Variants in ABHD12 observed in about 807,000 individuals in gnomAD.
The protein encoded by ABHD12 is abhydrolase domain containing 12, lysophospholipase, also known as lysophosphatidylserine lipase ABHD12.
Under a neutral mutation model 58.3 loss-of-function variants are expected in ABHD12, and 43 were observed. That is an observed-to-expected ratio of 0.74 (90% CI 0.58 to 0.95). ABHD12 has a LOEUF of 0.95. ABHD12 is among the 40% of genes least tolerant of loss of function. ABHD12 has a pLI of 0.00. For synonymous variants in ABHD12, 219 were observed against 211.2 expected, an observed-to-expected ratio of 1.04 and a Z score of -0.32; for missense variants, 539 against 537.2, an observed-to-expected ratio of 1.00 and a Z score of -0.03.
At chr20:25,308,350 T>C in intron 8 of ABHD12, 107 bp downstream of exon 8, 1 of 1,419,890 alleles carries the variant, frequency 7.0e-7, no homozygotes, top group South Asian at 1.2e-5. Context: ...CCCCAGAATG[T>C]GCAGCTCATG....
intron 2 of ABHD12, among the ~76,000 whole-genome samples, chr20:25,336,326 T>A (rs2089368286): frequency 6.6e-6 from 1 of 152,078 alleles, no homozygotes; most frequent in Non-Finnish European, 1.5e-5. Flanking sequence ...TTTAGCTAAT[T>A]CTTTGTTTTT....
At chr20:25,353,255 T>C (rs1051576903) in intron 1 of ABHD12, among the ~76,000 whole-genome samples, 2 of 118,828 alleles carry the variant, frequency 1.7e-5, no homozygotes, top group Admixed American at 1.9e-4. Flanking sequence ...GTTTTTTTTG[T>C]TTGTTTCTGT....
At chr20:25,323,660 G>A (rs2089122376) in intron 2 of ABHD12, among the ~76,000 whole-genome samples, 1 of 152,230 alleles carries the variant, frequency 6.6e-6, no homozygotes, top group South Asian at 2.1e-4. Context: ...GCAGGGTATG[G>A]GCTGAGGCCA....
intron 2 of ABHD12, among the ~76,000 whole-genome samples, chr20:25,334,467 A>T (rs1223272788): frequency 6.6e-6 from 1 of 151,968 alleles, no homozygotes; most frequent in African/African-American, 2.4e-5. Context: ...TAAAGTTCAT[A>T]CGGAACCAAA....
chr20:25,339,323 TC>T lies in ABHD12; in HGVS notation c.219del (p.Lys74ArgfsTer27). The T allele has an allele frequency of 6.2e-7, 1 of 1,614,126 alleles. No homozygotes were observed. On this transcript the variant is annotated frameshift_variant, in exon 2 of 13. Coordinates refer to ENST00000339157, the MANE Select transcript of ABHD12 (RefSeq NM_001042472.3). LOFTEE classifies it high-confidence loss of function. Reference protein sequence around the residue: ...GRRKGVWLRLRKILFCVLGLY... With the variant: ...GRRKGVWLRLXKILFCVLGLY... ...AACCCCAAAACACAGAAAAGTATCT[TC>T]CTCAGGCGCAACCACACGCCCTTTC...
intron 1 of ABHD12, among the ~76,000 whole-genome samples, chr20:25,358,462 C>T (rs1266018886): frequency 6.6e-6 from 1 of 152,206 alleles, no homozygotes; most frequent in Admixed American, 6.5e-5. Context: ...TCCTCATGGG[C>T]AACAGTGAAG....
intron 10 of ABHD12, 106 bp from the exon 11 acceptor site, chr20:25,303,734 G>C (rs1222906302): frequency 6.7e-7 from 1 of 1,482,456 alleles, no homozygotes; most frequent in East Asian, 2.4e-5. Context: ...TTGGGAAACA[G>C]CCTGATTTCT....
chr20:25,323,828 G>A (rs1455713156), intron 2 of ABHD12, among the ~76,000 whole-genome samples: 2 of 152,240 alleles, frequency 1.3e-5, no homozygotes, highest in East Asian at 1.9e-4. Context: ...AGGGAGGCTG[G>A]GGAGGCTGAG....
At chr20:25,376,181 T>C (rs1374400259) in intron 1 of ABHD12, among the ~76,000 whole-genome samples, 2 of 152,188 alleles carry the variant, frequency 1.3e-5, no homozygotes, top group African/African-American at 2.4e-5. Context: ...CCTTCATTAA[T>C]GTAACCATCA....
chr20:25,296,686 TAAGG>T (rs1334262402), downstream of ABHD12: 6 of 924,610 alleles, frequency 6.5e-6, no homozygotes, highest in East Asian at 1.6e-4. Flanking sequence ...GAGAGCAGGG[TAAGG>T]AAGGAATGTG....
Position 25,334,062 on chromosome 20 carries a change from T to C in ABHD12, c.316+5165A>G, listed in dbSNP as rs1202745621. Among the ~76,000 whole-genome samples the C allele has an allele frequency of 1.9e-3, 295 of 152,088 alleles. 1 individual carries two copies. The highest frequency in any genetic ancestry group is 3.5e-3 in the Non-Finnish European group (238 of 67,998). ...ATGATGGTATATCTAGAAAACCCCA[T>C]TGTCTCAGCCCAAAATCTCCTTAAG... On this transcript the variant is annotated intron_variant, in intron 2 of 12. Coordinates refer to ENST00000339157, the MANE Select transcript of ABHD12 (RefSeq NM_001042472.3).
chr20:25,349,197 A>G (rs2089565532), intron 1 of ABHD12, among the ~76,000 whole-genome samples: 1 of 152,234 alleles, frequency 6.6e-6, no homozygotes, highest in African/African-American at 2.4e-5. Context: ...TAATGTGAAA[A>G]TGGAATCAAT....
intron 2 of ABHD12, among the ~76,000 whole-genome samples, chr20:25,330,982 G>C (rs2089263768): frequency 6.6e-6 from 1 of 152,242 alleles, no homozygotes; most frequent in South Asian, 2.1e-4. Flanking sequence ...TTGACTAGCT[G>C]AGAGAAGAAG....
intron 1 of ABHD12, among the ~76,000 whole-genome samples, chr20:25,357,612 A>C (rs1331634570): frequency 1.3e-5 from 2 of 152,222 alleles, no homozygotes; most frequent in Non-Finnish European, 2.9e-5. Context: ...AGAATTTATA[A>C]AAAATTTAAG....
intron 1 of ABHD12, among the ~76,000 whole-genome samples, chr20:25,385,879 A>G (rs2146144219): frequency 6.6e-6 from 1 of 152,148 alleles, no homozygotes; most frequent in African/African-American, 2.4e-5. Context: ...CAGGCGGATC[A>G]CGAGGTCAGG....
At chr20:25,316,643 G>A (rs774057459) in intron 5 of ABHD12, among the ~76,000 whole-genome samples, 16 of 152,054 alleles carry the variant, frequency 1.1e-4, no homozygotes, top group Non-Finnish European at 1.6e-4. Context: ...CTTCCAGCAC[G>A]CCCATCCAAA....
At chr20:25,376,240 T>G (rs6037099) in intron 1 of ABHD12, among the ~76,000 whole-genome samples, 82,247 of 152,024 alleles carry the variant, frequency 0.54, 22,831 homozygotes, top group Admixed American at 0.61. Flanking sequence ...GGTATTCTCT[T>G]AGAAGGAACA....
At chr20:25,349,961 A>AC (rs1440196755) in intron 1 of ABHD12, among the ~76,000 whole-genome samples, 3 of 152,246 alleles carry the variant, frequency 2.0e-5, no homozygotes, top group Non-Finnish European at 2.9e-5. Flanking sequence ...TGAAAGGCTA[A>AC]CATAATATCA....
rs2088617947 is a variant in ABHD12 at position 25,300,631 on chromosome 20, C to T, written c.*214G>A. ...GGCGGCAAGGAGAGCCACATGCCTGCCACCCACGCTTTCCACACAGCCATG... is the reference window on the plus strand; with the variant it reads ...GGCGGCAAGGAGAGCCACATGCCTGTCACCCACGCTTTCCACACAGCCATG... On this transcript the variant is annotated 3_prime_UTR_variant, in exon 13 of 13. Coordinates refer to ENST00000339157, the MANE Select transcript of ABHD12 (RefSeq NM_001042472.3). 2.1e-5 allele frequency: 30 copies of T among 1,452,538 alleles called. No individual in the cohort carries two copies. Among genetic ancestry groups the T allele is most frequent in the South Asian group, 1.4e-4 (10 of 69,358 alleles). 90.0% of individuals were successfully genotyped at this position (1,452,538 alleles called of 1,614,324 possible).
Sources: gnomAD v4.1 joint callset for allele counts (sites outside exome capture counted in the v4.1 genomes callset) on GRCh38, gnomAD v4.1.1 for gene constraint, MANE v1.5 for transcripts, NCBI Gene and HGNC (gene_info 2026-07-23, HGNC 2026-07-21) for gene names.